Variants in CACHD1 observed in about 807,000 individuals in gnomAD.
CACHD1 encodes cache domain containing 1, also known as VWFA and cache domain-containing protein 1.
CACHD1 carries 71 observed loss-of-function variants against 138.7 expected under a neutral mutation model. That is an observed-to-expected ratio of 0.51 (90% CI 0.42 to 0.62). The LOEUF (loss-of-function observed/expected upper bound fraction) is 0.62. Among genes scored for constraint, CACHD1 ranks in the 20% least tolerant of loss-of-function variants. CACHD1 has a pLI of 0.00. For synonymous variants in CACHD1, 578 were observed against 591.5 expected (o/e 0.98, Z 0.33); for missense variants, 1,389 against 1,625.3 (o/e 0.85, Z 2.50).
chr1:64,562,331 T>G, intron 2 of CACHD1, among the ~76,000 whole-genome samples: 1 of 126,072 alleles, frequency 7.9e-6, no homozygotes. Context: ...CCTGAGACAG[T>G]GTCTTTTTCT....
Position 64,675,353 on chromosome 1 carries a change from G to A in CACHD1, c.2728-48G>A, listed in dbSNP as rs770271956. 4.7e-6 allele frequency: 7 copies of A among 1,474,648 alleles called. No individual in the cohort carries two copies. The Admixed American group carries it at 7.0e-5, about 15-fold the overall frequency. 91.3% of individuals were successfully genotyped at this position (1,474,648 alleles called of 1,614,324 possible). A position where few individuals can be genotyped will look rare whatever the true frequency, so the allele number is the denominator to read the frequency against. ...GTTGTTTTCACCAAGGTAGGGCTGAGTCTTTGCATTGCTGTCTGTCATTTC... is the reference window on the plus strand; with the variant it reads ...GTTGTTTTCACCAAGGTAGGGCTGAATCTTTGCATTGCTGTCTGTCATTTC... On this transcript the variant is annotated intron_variant, in intron 19 of 26. Transcript: ENST00000651257.
chr1:64,508,572 G>A (rs1646394864), intron 1 of CACHD1, among the ~76,000 whole-genome samples: 1 of 152,138 alleles, frequency 6.6e-6, no homozygotes. Context: ...GACCTGCCAG[G>A]CAAAGCACAT....
At chr1:64,681,541 G>GTTTTTTTTTTTTTTTGTTTTTTTTTT in intron 25 of CACHD1, among the ~76,000 whole-genome samples, 1 of 68,146 alleles carries the variant, frequency 1.5e-5, no homozygotes, top group Non-Finnish European at 2.7e-5. Context: ...ATTTTATTGT[G>GTTTTTTTTTTTTTTTGTTTTTTTTTT]TTTTTTTTTT....
intron 19 of CACHD1, among the ~76,000 whole-genome samples, chr1:64,674,150 G>A (rs1649907700): frequency 6.6e-6 from 1 of 152,104 alleles, no homozygotes; most frequent in South Asian, 2.1e-4. Context: ...AAAATGTACT[G>A]GGTTAAATTA....
At chr1:64,490,818 A>G (rs1302426505) in intron 1 of CACHD1, among the ~76,000 whole-genome samples, 1 of 152,216 alleles carries the variant, frequency 6.6e-6, no homozygotes, top group Non-Finnish European at 1.5e-5. Flanking sequence ...AGTACTTTGT[A>G]TCATGCTTTT....
chr1:64,640,741 T>TATATATATATATATATATATATATATA (rs1648683547), intron 7 of CACHD1, among the ~76,000 whole-genome samples: 1 of 149,406 alleles, frequency 6.7e-6, no homozygotes, highest in African/African-American at 2.5e-5. Flanking sequence ...ACTCTCAACA[T>TATATATATATATATATATATATATATA]TATATATATA....
intron 2 of CACHD1, among the ~76,000 whole-genome samples, chr1:64,566,485 C>CCCG (rs1553133838): frequency 1.4e-5 from 2 of 142,752 alleles, no homozygotes; most frequent in African/African-American, 2.4e-5. Context: ...CAATTCCCCC[C>CCCG]CCCCCACAAG....
At chr1:64,569,343 C>T (rs1165350323) in intron 2 of CACHD1, among the ~76,000 whole-genome samples, 1 of 152,194 alleles carries the variant, frequency 6.6e-6, no homozygotes, top group Non-Finnish European at 1.5e-5. Flanking sequence ...ATTTAAATCT[C>T]TCACCATCAC....
chr1:64,531,495 TTGTGTGTGTG>T (rs68180558), intron 1 of CACHD1, among the ~76,000 whole-genome samples: 17 of 146,878 alleles, frequency 1.2e-4, no homozygotes, highest in East Asian at 2.0e-4. Context: ...ATGAATGTGG[TTGTGTGTGTG>T]TGTGTGTGTG....
chr1:64,653,178 A>G (rs947506941), intron 10 of CACHD1, among the ~76,000 whole-genome samples: 45 of 152,124 alleles, frequency 3.0e-4, no homozygotes, highest in African/African-American at 1.0e-3. Context: ...GAGCTAAATG[A>G]TGAGAACACA....
rs1570476818 is a variant in CACHD1 at position 64,678,423 on chromosome 1, T to C, written c.3244+113T>C. 1.3e-5 allele frequency: 14 copies of C among 1,112,736 alleles called. No individual in the cohort carries two copies. The East Asian group carries it at 4.1e-4, about 33-fold the overall frequency. The allele number at this position is 1,112,736 out of a possible 1,614,324, so 68.9% of individuals were successfully genotyped here. A position where few individuals can be genotyped will look rare whatever the true frequency, so the allele number is the denominator to read the frequency against. On this transcript the variant is annotated intron_variant, in intron 23 of 26. Transcript: ENST00000651257. ...CCAACTTCCCTGATTCCTTTGCTGG[T>C]AGTCTTTAGTTACAAAACCAAGGCA...
At chr1:64,665,542 T>C (rs190513502) in intron 15 of CACHD1, among the ~76,000 whole-genome samples, 1 of 152,320 alleles carries the variant, frequency 6.6e-6, no homozygotes, top group Non-Finnish European at 1.5e-5. Context: ...CAATGTCTCT[T>C]TTTAAAGTAA....
chr1:64,595,366 G>C (rs1339501567), intron 3 of CACHD1, among the ~76,000 whole-genome samples: 2 of 152,056 alleles, frequency 1.3e-5, no homozygotes, highest in Non-Finnish European at 2.9e-5. Flanking sequence ...CTAGGCCCTG[G>C]GTATAAAGAA....
chr1:64,486,488 T>C (rs1484582987), intron 1 of CACHD1, among the ~76,000 whole-genome samples: 1 of 152,188 alleles, frequency 6.6e-6, no homozygotes, highest in Non-Finnish European at 1.5e-5. Flanking sequence ...AAATTGATTT[T>C]CTTTCGAGTG....
intron 11 of CACHD1, among the ~76,000 whole-genome samples, 159 bp from the exon 12 acceptor site, chr1:64,654,527 C>T (rs939017657): frequency 3.9e-5 from 6 of 152,160 alleles, no homozygotes; most frequent in Non-Finnish European, 5.9e-5. Flanking sequence ...AATGCTTTTA[C>T]GCAATTGAAA....
chr1:64,621,213 G>A (rs1647901535), intron 4 of CACHD1, among the ~76,000 whole-genome samples: 1 of 152,074 alleles, frequency 6.6e-6, no homozygotes, highest in South Asian at 2.1e-4. Flanking sequence ...ACCTGTGATG[G>A]CTCTGTGTTT....
chr1:64,625,455 C>T (rs926441837), intron 4 of CACHD1, among the ~76,000 whole-genome samples: 6 of 152,106 alleles, frequency 3.9e-5, no homozygotes, highest in South Asian at 2.1e-4. Context: ...GGTGAAACCC[C>T]ATCTCTACTA....
At chr1:64,530,505 G>A (rs1481599406) in intron 1 of CACHD1, among the ~76,000 whole-genome samples, 23 of 152,102 alleles carry the variant, frequency 1.5e-4, no homozygotes, top group Admixed American at 1.4e-3. Flanking sequence ...CCTGGTCATG[G>A]TGAAGAGTTT....
intron 26 of CACHD1, among the ~76,000 whole-genome samples, chr1:64,684,357 CTTCTTCT>C (rs1650288470): frequency 1.1e-5 from 1 of 89,734 alleles, no homozygotes; most frequent in African/African-American, 4.7e-5. Context: ...TCTTCTTCTT[CTTCTTCT>C]TTTTTTTTTT....
Sources: allele counts gnomAD v4.1 joint callset (sites outside exome capture counted in the v4.1 genomes callset), GRCh38; gene constraint gnomAD v4.1.1; transcripts MANE v1.5; gene names NCBI Gene and HGNC (gene_info 2026-07-23, HGNC 2026-07-21).